Variants in DNAJB4 observed in about 807,000 individuals in gnomAD.
DNAJB4 encodes the protein DnaJ heat shock protein family (Hsp40) member B4.
A neutral mutation model predicts 26.6 loss-of-function variants in DNAJB4; 10 were observed. The observed-to-expected ratio is 0.38, with a 90% CI of 0.23 to 0.64. The LOEUF is 0.64. DNAJB4 is among the 30% of genes least tolerant of loss of function. DNAJB4 has a pLI of 0.58. For synonymous variants in DNAJB4, 136 were observed against 134.8 expected (o/e 1.01, Z -0.06); for missense variants, 328 against 408.2 (o/e 0.80, Z 1.69).
At chr1:77,981,489 T>A (rs1419102028) in intron 1 of DNAJB4, among the ~76,000 whole-genome samples, 1 of 152,264 alleles carries the variant, frequency 6.6e-6, no homozygotes, top group East Asian at 1.9e-4. Flanking sequence ...GATTTTTGTA[T>A]TTTTAGTAGA....
chr1:78,004,980 C>T lies in DNAJB4; in HGVS notation c.-131C>T, dbSNP rs1417381887. ...ACGCTGTCTGCTTGCTGCCTTAAGACAGCTAGCTGAATTGCTGATTAACTT... is the reference window on the plus strand; with the variant it reads ...ACGCTGTCTGCTTGCTGCCTTAAGATAGCTAGCTGAATTGCTGATTAACTT... On this transcript the variant is annotated 5_prime_UTR_variant, in exon 1 of 3. Coordinates refer to ENST00000370763, the MANE Select transcript of DNAJB4 (RefSeq NM_007034.5). 1 of 905,814 alleles carries T rather than the reference C, an allele frequency of 1.1e-6. No homozygotes were observed. Among genetic ancestry groups the T allele is most frequent in the Non-Finnish European group, 1.7e-6 (1 of 581,948 alleles). The allele number at this position is 905,814 out of a possible 1,614,324, so 56.1% of individuals were successfully genotyped here.
chr1:77,991,955 G>A (rs1659940542), intron 1 of DNAJB4, among the ~76,000 whole-genome samples: 1 of 152,170 alleles, frequency 6.6e-6, no homozygotes, highest in South Asian at 2.1e-4. Flanking sequence ...AAGAGGTTAT[G>A]TATTGACCAG....
chr1:77,982,847 A>G (rs897907084), intron 1 of DNAJB4, among the ~76,000 whole-genome samples: 1 of 152,290 alleles, frequency 6.6e-6, no homozygotes. Context: ...ACTCCCAGAA[A>G]CTGATTTAAT....
intron 1 of DNAJB4, among the ~76,000 whole-genome samples, chr1:78,011,982 A>C (rs1281096763): frequency 6.7e-6 from 1 of 148,410 alleles, no homozygotes; most frequent in Non-Finnish European, 1.5e-5. Flanking sequence ...TTTGATTGTA[A>C]TAAAAATTAA....
chr1:78,004,458 G>A (rs952547782), upstream of DNAJB4: 2 of 152,100 alleles, frequency 1.3e-5, no homozygotes, highest in Non-Finnish European at 2.9e-5. Context: ...CAGGAATTTT[G>A]AAGACGACAT....
chr1:78,005,082 A>G lies in DNAJB4; in HGVS notation c.-29A>G, dbSNP rs759867091. The G allele has an allele frequency of 2.5e-6, 4 of 1,598,790 alleles. No homozygotes were observed. The highest frequency in any genetic ancestry group is 3.5e-5 in the Admixed American group (2 of 57,274). ...GGACGCTGTTTTCTTTTACAAAGGG[A>G]AATCTAAGTTAATTTCAAGGCATTC... On this transcript the variant is annotated 5_prime_UTR_variant, in exon 1 of 3. Coordinates refer to ENST00000370763, the MANE Select transcript of DNAJB4 (RefSeq NM_007034.5).
rs150512589 is a variant in DNAJB4, at chr1:78,013,446, G to A, written c.607G>A (p.Glu203Lys). ...YRSEDKILTI[E>K]IKKGWKEGTK... is the part of the protein sequence containing the mutation. ...ATCTGAGGACAAAATTCTTACCATT[G>A]AGATTAAAAAAGGGTGGAAAGAAGG... The change falls in exon 2 of 3, where the codon GAG becomes AAG. Residue 203 changes from glutamate to lysine, a missense_variant. Transcript: ENST00000370763. 7 of 1,613,984 alleles carry A rather than the reference G, an allele frequency of 4.3e-6. No homozygotes were observed. Among genetic ancestry groups the A allele is most frequent in the Non-Finnish European group, 5.9e-6 (7 of 1,180,016 alleles).
chr1:77,985,945 ATTG>A (rs976472316), intron 1 of DNAJB4, among the ~76,000 whole-genome samples: 3 of 152,250 alleles, frequency 2.0e-5, no homozygotes, highest in Middle Eastern at 3.4e-3. Flanking sequence ...GAGACTCCCT[ATTG>A]TTTTCAGACA....
rs147548375 is a variant in DNAJB4 at position 77,980,907 on chromosome 1, G to A, written c.-32+585G>A. On this transcript the variant is annotated intron_variant, in intron 1 of 2. Transcript: ENST00000426517. ...ATTTGCATTTGAAAAATCAGTGCAC[G>A]TATGGGACTACAGATTTAATCATAA... is the stretch of plus-strand genomic sequence containing the variant. Among the ~76,000 whole-genome samples, 146 of 152,258 alleles carry A rather than the reference G, an allele frequency of 9.6e-4. 1 individual carries two copies. Among genetic ancestry groups the A allele is most frequent in the African/African-American group, 3.4e-3 (143 of 41,554 alleles).
At chr1:78,001,684 C>T (rs79628623), upstream of DNAJB4, among the ~76,000 whole-genome samples, 484 of 152,148 alleles carry the variant, frequency 3.2e-3, 1 homozygote, top group African/African-American at 0.011. Flanking sequence ...TCTTAATTTC[C>T]ATTTTTTAAA....
intron 1 of DNAJB4, among the ~76,000 whole-genome samples, chr1:77,998,574 T>G (rs898165546): frequency 2.0e-5 from 3 of 152,170 alleles, no homozygotes; most frequent in East Asian, 1.9e-4. Context: ...GTGCGGTGGC[T>G]CAGACCTGTA....
chr1:78,001,436 G>A (rs1432407022), upstream of DNAJB4, among the ~76,000 whole-genome samples: 1 of 152,062 alleles, frequency 6.6e-6, no homozygotes, highest in Non-Finnish European at 1.5e-5. Context: ...GGTAAAATAT[G>A]AGAAGTCATT....
intron 1 of DNAJB4, among the ~76,000 whole-genome samples, chr1:77,992,271 G>A (rs1659948178): frequency 2.0e-5 from 3 of 150,726 alleles, no homozygotes; most frequent in Admixed American, 2.0e-4. Context: ...AAATTAGCCG[G>A]GCGTAGTGGC....
chr1:77,997,945 G>A (rs1024096624), intron 1 of DNAJB4, among the ~76,000 whole-genome samples: 7 of 152,128 alleles, frequency 4.6e-5, no homozygotes, highest in Non-Finnish European at 1.0e-4. Context: ...ACGCCACCAT[G>A]CCCAGCTAAT....
In DNAJB4 at chr1:78,005,148, A is replaced by C; in HGVS notation, c.38A>C (p.Lys13Thr). The C allele has an allele frequency of 6.2e-7, 1 of 1,613,984 alleles. No homozygotes were observed. Among genetic ancestry groups the C allele is most frequent in the East Asian group, 2.2e-5 (1 of 44,886 alleles). Reference sequence around the variant, plus strand: ...TATTATTGCATTTTGGGAATTGAGAAAGGAGCTTCAGATGAAGATATTAAA... The same window carrying C: ...TATTATTGCATTTTGGGAATTGAGACAGGAGCTTCAGATGAAGATATTAAA... ...KDYYCILGIEKGASDEDIKKA... is the reference protein window; with the variant it reads ...KDYYCILGIETGASDEDIKKA... The change falls in exon 1 of 3, where the codon AAA (lysine) becomes ACA (threonine). Residue 13 changes from lysine (K) to threonine (T), a missense_variant. Transcript: ENST00000370763.
chr1:78,016,002 G>T lies in DNAJB4; in HGVS notation c.781-12G>T. On this transcript the variant is annotated splice_polypyrimidine_tract_variant and intron_variant, in intron 2 of 2. Coordinates refer to ENST00000370763, the MANE Select transcript of DNAJB4 (RefSeq NM_007034.5). ...GAAGTGTTTTCATTTTATTTTATTT[G>T]GTCCATTTTAGGCATTGTGTGGCTG... 6.2e-7 allele frequency: 1 copy of T among 1,603,148 alleles called. No homozygotes were observed. The highest frequency in any genetic ancestry group is 8.5e-7 in the Non-Finnish European group (1 of 1,173,384).
At chr1:77,993,618 T>G (rs1659990630) in intron 1 of DNAJB4, among the ~76,000 whole-genome samples, 2 of 152,182 alleles carry the variant, frequency 1.3e-5, no homozygotes, top group African/African-American at 4.8e-5. Context: ...CCTGACTTAT[T>G]TATAGTATAA....
intron 2 of DNAJB4, among the ~76,000 whole-genome samples, chr1:78,015,644 A>G (rs1970210): frequency 0.92 from 136,549 of 149,108 alleles, 62,651 homozygotes; most frequent in African/African-American, 0.95. Context: ...CCGCCTGCTG[A>G]GTTCAAGTGA....
At chr1:77,984,294 A>G (rs1267098381) in intron 1 of DNAJB4, among the ~76,000 whole-genome samples, 2 of 152,140 alleles carry the variant, frequency 1.3e-5, no homozygotes, top group South Asian at 2.1e-4. Flanking sequence ...TCATGAATCA[A>G]TTGAAAGTTT....
Sources: allele counts gnomAD v4.1 joint callset (sites outside exome capture counted in the v4.1 genomes callset), GRCh38; gene constraint gnomAD v4.1.1; transcripts MANE v1.5; gene names NCBI Gene and HGNC (gene_info 2026-07-23, HGNC 2026-07-21).